Variants in CATSPERT observed in about 807,000 individuals in gnomAD.
CATSPERT encodes the protein cation channel sperm-associated targeting subunit tau.
chr2:201,531,512 A>G, the CATSPERT span, among the ~76,000 whole-genome samples: 1 of 152,178 alleles, frequency 6.6e-6, no homozygotes, highest in African/African-American at 2.4e-5. Context: ...ATATGATACC[A>G]GGAAATGATA....
the CATSPERT span, among the ~76,000 whole-genome samples, chr2:201,590,793 AG>A: frequency 1.3e-5 from 2 of 151,912 alleles, no homozygotes; most frequent in Admixed American, 6.6e-5. Flanking sequence ...TCTTTTGAGA[AG>A]TGTCTGTTCA....
chr2:201,565,777 T>C, the CATSPERT span: 1 of 1,611,260 alleles, frequency 6.2e-7, no homozygotes, highest in African/African-American at 1.3e-5. Context: ...TACAGATGGC[T>C]GGTTGGAGGA....
chr2:201,493,692 C>G, the CATSPERT span: 1 of 1,537,346 alleles, frequency 6.5e-7, no homozygotes, highest in Non-Finnish European at 8.7e-7. Context: ...TTTCACTTGG[C>G]TCTTTCACTT....
chr2:201,496,432 T>A, the CATSPERT span, among the ~76,000 whole-genome samples: 1 of 152,352 alleles, frequency 6.6e-6, no homozygotes, highest in African/African-American at 2.4e-5. Flanking sequence ...AACCTCTGCC[T>A]CCTGGGTTCA....
the CATSPERT span, among the ~76,000 whole-genome samples, chr2:201,499,149 AT>A: frequency 1.3e-5 from 2 of 152,186 alleles, no homozygotes; most frequent in African/African-American, 4.8e-5. Flanking sequence ...GAAGTTTACC[AT>A]ATATATGAGA....
At chr2:201,594,962 C>G in the CATSPERT span, among the ~76,000 whole-genome samples, 275 of 152,232 alleles carry the variant, frequency 1.8e-3, 2 homozygotes, top group African/African-American at 6.2e-3. Flanking sequence ...TTGTCTGAAG[C>G]CTTCTTCTCT....
chr2:201,501,410 A>AG, the CATSPERT span, among the ~76,000 whole-genome samples: 1 of 150,560 alleles, frequency 6.6e-6, no homozygotes, highest in Non-Finnish European at 1.5e-5. Flanking sequence ...AAAAAAAAAA[A>AG]AAAAAAAAAG....
the CATSPERT span, among the ~76,000 whole-genome samples, chr2:201,603,554 T>C: frequency 6.6e-6 from 1 of 152,202 alleles, no homozygotes; most frequent in Non-Finnish European, 1.5e-5. Flanking sequence ...AATCTGATCA[T>C]CACTCTTTAA....
chr2:201,558,965 T>A, the CATSPERT span, among the ~76,000 whole-genome samples: 1 of 152,148 alleles, frequency 6.6e-6, no homozygotes, highest in South Asian at 2.1e-4. Context: ...CCAGCCACCA[T>A]ACTTCCAGCT....
At chr2:201,506,034 G>A in the CATSPERT span, among the ~76,000 whole-genome samples, 5 of 152,174 alleles carry the variant, frequency 3.3e-5, no homozygotes, top group Non-Finnish European at 5.9e-5. Flanking sequence ...TTGGGAGGCC[G>A]AGGCTGGTGG....
the CATSPERT span, among the ~76,000 whole-genome samples, chr2:201,594,858 T>G: frequency 8.5e-5 from 13 of 152,270 alleles, no homozygotes; most frequent in East Asian, 1.9e-3. Context: ...CTCTGTATTG[T>G]TTATTCTAGT....
chr2:201,536,149 G>A, the CATSPERT span: 27,820 of 1,613,446 alleles, frequency 0.017, 310 homozygotes, highest in African/African-American at 0.059. Context: ...CCTAAAGGTG[G>A]TATTCTGCCT....
the CATSPERT span, among the ~76,000 whole-genome samples, chr2:201,515,649 G>A: frequency 2.6e-5 from 4 of 152,072 alleles, no homozygotes; most frequent in African/African-American, 7.2e-5. Flanking sequence ...TACACATAGG[G>A]CACTCAGCCA....
chr2:201,616,685 A>G, the CATSPERT span, among the ~76,000 whole-genome samples: 1 of 152,222 alleles, frequency 6.6e-6, no homozygotes, highest in Non-Finnish European at 1.5e-5. Context: ...CCTATTCAAC[A>G]TGGTGTTGGA....
chr2:201,606,824 G>A, the CATSPERT span, among the ~76,000 whole-genome samples: 16 of 151,662 alleles, frequency 1.1e-4, no homozygotes, highest in African/African-American at 3.2e-4. Context: ...CCTTCAACCC[G>A]GAAGGTGGAG....
the CATSPERT span, among the ~76,000 whole-genome samples, chr2:201,505,418 C>T: frequency 1.3e-5 from 2 of 152,254 alleles, no homozygotes; most frequent in East Asian, 3.9e-4. Context: ...CAGTCATATG[C>T]TGCCTTTTTC....
At chr2:201,526,944 C>CA in the CATSPERT span, among the ~76,000 whole-genome samples, 1 of 152,170 alleles carries the variant, frequency 6.6e-6, no homozygotes, top group East Asian at 1.9e-4. Context: ...AAAATGCATC[C>CA]AAAAAGGAAG....
the CATSPERT span, among the ~76,000 whole-genome samples, chr2:201,507,811 G>A: frequency 2.0e-5 from 3 of 152,108 alleles, no homozygotes; most frequent in South Asian, 2.1e-4. Context: ...AGGAAACTTC[G>A]AATCATGGTG....
At chr2:201,537,622 A>C in the CATSPERT span, 1 of 583,210 alleles carries the variant, frequency 1.7e-6, no homozygotes, top group Non-Finnish European at 2.9e-6. Flanking sequence ...AAACATAAAC[A>C]CTACTTAGTA....
Sources: allele counts gnomAD v4.1 joint callset (sites outside exome capture counted in the v4.1 genomes callset), GRCh38; gene constraint gnomAD v4.1.1; transcripts MANE v1.5; gene names NCBI Gene and HGNC (gene_info 2026-07-23, HGNC 2026-07-21).